The following EYS variants were observed in gnomAD, a reference collection of about 807,000 sequenced individuals.
EYS encodes EGF-like photoreceptor maintenance factor.
In EYS, 250 loss-of-function variants were observed where a neutral mutation model predicts 282.1. The observed-to-expected ratio is 0.89, with a 90% confidence interval of 0.80 to 0.98. The LOEUF is 0.98. Among genes scored for constraint, EYS ranks in the 50% least tolerant of loss-of-function variants. The pLI, the probability that EYS is intolerant of heterozygous loss-of-function variation, is 0.00. For synonymous variants in EYS, 1,355 were observed against 1,282.9 expected, an observed-to-expected ratio of 1.06 and a Z score of -1.20; for missense variants, 4,016 against 3,709.0, an observed-to-expected ratio of 1.08 and a Z score of -2.15.
At position 63,840,315 on chromosome 6, in the gene EYS, C is replaced by T. The variant is rs748347546; in HGVS notation, c.7228+23871G>A. On this transcript the variant is annotated intron_variant, in intron 36 of 42. Transcript: ENST00000503581. ...TCTTGACCTCGTGATTCACCTGCCT[C>T]GGCCTCCCAAAGTGCTGGGATTACA... is the stretch of plus-strand genomic sequence containing the variant. Among the ~76,000 whole-genome samples the T allele has an allele frequency of 3.3e-5, 5 of 151,818 alleles. No homozygotes were observed. In the East Asian group the frequency reaches 7.7e-4, roughly 23 times the overall value.
chr6:63,851,546 A>G (rs1468870804), intron 36 of EYS, among the ~76,000 whole-genome samples: 9 of 152,214 alleles, frequency 5.9e-5, no homozygotes, highest in Non-Finnish European at 1.3e-4. Context: ...TTACATGGAA[A>G]ATGAACAACC....
intron 2 of EYS, among the ~76,000 whole-genome samples, chr6:65,632,246 G>C (rs142326877): frequency 2.0e-5 from 3 of 152,202 alleles, no homozygotes; most frequent in Non-Finnish European, 2.9e-5. Context: ...ATTCTTATCT[G>C]GATGCTTTAT....
intron 22 of EYS, among the ~76,000 whole-genome samples, chr6:64,641,918 A>G (rs1768170399): frequency 6.6e-6 from 1 of 152,150 alleles, no homozygotes; most frequent in Non-Finnish European, 1.5e-5. Context: ...TCCCCACACA[A>G]CTACTCCTTC....
chr6:65,428,223 T>C (rs1293039222), intron 5 of EYS, among the ~76,000 whole-genome samples: 1 of 152,096 alleles, frequency 6.6e-6, no homozygotes, highest in Non-Finnish European at 1.5e-5. Flanking sequence ...AGTTATTCTA[T>C]GTCTGAAAAT....
At chr6:63,836,623 G>A (rs1771814173) in intron 36 of EYS, among the ~76,000 whole-genome samples, 1 of 151,942 alleles carries the variant, frequency 6.6e-6, no homozygotes, top group African/African-American at 2.4e-5. Context: ...AAATCATATG[G>A]TATGGGAAGA....
chr6:65,467,687 A>G (rs1248949781), intron 5 of EYS, among the ~76,000 whole-genome samples: 2 of 152,164 alleles, frequency 1.3e-5, no homozygotes, highest in Non-Finnish European at 2.9e-5. Flanking sequence ...AAGCCAAATT[A>G]AATTATATAT....
chr6:64,417,017 A>G (rs1774077691), intron 28 of EYS, among the ~76,000 whole-genome samples: 1 of 152,206 alleles, frequency 6.6e-6, no homozygotes, highest in Admixed American at 6.5e-5. Context: ...TGTCCAACTC[A>G]AGAACTCATT....
chr6:64,057,394 TA>T lies in EYS; in HGVS notation c.6725+8943del, dbSNP rs377401166. Among the ~76,000 whole-genome samples, 659 of 150,278 alleles carry T rather than the reference TA, an allele frequency of 4.4e-3. 6 individuals are homozygous for T. Among genetic ancestry groups the T allele is most frequent in the African/African-American group, 0.016 (625 of 40,300 alleles). On this transcript the variant is annotated intron_variant, in intron 33 of 42. Transcript: ENST00000503581. ...TAAAGTAAGGTTTTTTTTTTTTTTT[TA>T]AAAATAGAATGGTCTCAAATGTGTT...
intron 14 of EYS, among the ~76,000 whole-genome samples, chr6:64,951,190 A>T (rs962625834): frequency 6.6e-6 from 1 of 151,922 alleles, no homozygotes; most frequent in Non-Finnish European, 1.5e-5. Flanking sequence ...AAGCATTAGC[A>T]GTCTAGTAGT....
At chr6:64,680,146 G>T (rs1413156756) in intron 22 of EYS, among the ~76,000 whole-genome samples, 3 of 152,212 alleles carry the variant, frequency 2.0e-5, no homozygotes, top group African/African-American at 7.2e-5. Flanking sequence ...AAGAGGGTTT[G>T]GGAAAGACTA....
At chr6:64,919,896 C>A (rs960274012) in intron 15 of EYS, among the ~76,000 whole-genome samples, 3 of 152,036 alleles carry the variant, frequency 2.0e-5, no homozygotes, top group Non-Finnish European at 4.4e-5. Context: ...CAAGCAGAGG[C>A]AGATAATGCA....
At chr6:65,449,435 G>A (rs905621385) in intron 5 of EYS, among the ~76,000 whole-genome samples, 1 of 152,026 alleles carries the variant, frequency 6.6e-6, no homozygotes, top group African/African-American at 2.4e-5. Flanking sequence ...AATGCATTGG[G>A]TTGTTATCTT....
chr6:65,064,629 C>G (rs1025542916), intron 12 of EYS, among the ~76,000 whole-genome samples: 1 of 149,550 alleles, frequency 6.7e-6, no homozygotes, highest in African/African-American at 2.5e-5. Context: ...ATACTAATAC[C>G]AGTACTTTGT....
intron 14 of EYS, among the ~76,000 whole-genome samples, chr6:64,994,917 A>T (rs1033004662): frequency 1.3e-5 from 2 of 152,166 alleles, no homozygotes; most frequent in Non-Finnish European, 2.9e-5. Flanking sequence ...CATATATTCC[A>T]TCGGAAGGAC....
At chr6:65,298,992 T>G (rs1768741449) in intron 11 of EYS, among the ~76,000 whole-genome samples, 1 of 152,086 alleles carries the variant, frequency 6.6e-6, no homozygotes, top group African/African-American at 2.4e-5. Context: ...TATCAGTGGA[T>G]TCTATAGAGA....
chr6:65,243,678 A>T (rs1459526642), intron 12 of EYS, among the ~76,000 whole-genome samples: 1 of 151,964 alleles, frequency 6.6e-6, no homozygotes, highest in Non-Finnish European at 1.5e-5. Flanking sequence ...ATGCTGAGCA[A>T]CTCTTACCAC....
intron 22 of EYS, among the ~76,000 whole-genome samples, chr6:64,722,985 T>A (rs1771631511): frequency 6.6e-6 from 1 of 151,758 alleles, no homozygotes; most frequent in African/African-American, 2.4e-5. Context: ...TACTTTTAGG[T>A]CAGTATATCT....
intron 16 of EYS, among the ~76,000 whole-genome samples, chr6:64,906,958 TCTA>T (rs753047827): frequency 1.4e-4 from 21 of 152,206 alleles, no homozygotes; most frequent in Non-Finnish European, 2.5e-4. Flanking sequence ...ACATAATAAT[TCTA>T]CTCTATGCTA....
chr6:64,252,552 A>C (rs1206907936), intron 30 of EYS, among the ~76,000 whole-genome samples: 1 of 152,098 alleles, frequency 6.6e-6, no homozygotes, highest in Non-Finnish European at 1.5e-5. Flanking sequence ...ACTCCCTATC[A>C]TTCTTACTAT....
Sources: gnomAD v4.1 joint callset for allele counts (sites outside exome capture counted in the v4.1 genomes callset) on GRCh38, gnomAD v4.1.1 for gene constraint, MANE v1.5 for transcripts, NCBI Gene and HGNC (gene_info 2026-07-23, HGNC 2026-07-21) for gene names.